Variants in HMGCLL1 observed in about 807,000 individuals in gnomAD.
HMGCLL1 encodes 3-hydroxy-3-methylglutaryl-CoA lyase like 1, also known as 3-hydroxymethyl-3-methylglutaryl-CoA lyase, cytoplasmic.
Under a neutral mutation model 39.1 loss-of-function variants are expected in HMGCLL1, and 36 were observed. That is an observed-to-expected ratio of 0.92 (90% CI 0.71 to 1.22). The LOEUF (loss-of-function observed/expected upper bound fraction) is 1.22, where lower values mean the gene tolerates loss of function less well. Ranked by LOEUF, HMGCLL1 falls within the 50% of genes most tolerant of loss-of-function variation. HMGCLL1 has a pLI of 0.00. For synonymous variants in HMGCLL1, 149 were observed against 144.0 expected (o/e 1.03, Z -0.25); for missense variants, 451 against 416.5 (o/e 1.08, Z -0.72).
chr6:55,556,919 AAGTC>A (rs1281829512), intron 1 of HMGCLL1, among the ~76,000 whole-genome samples: 3 of 152,204 alleles, frequency 2.0e-5, no homozygotes, highest in Non-Finnish European at 4.4e-5. Flanking sequence ...AATGCATAGA[AAGTC>A]AGAATACTTA....
At chr6:55,564,889 T>C (rs920971147) in intron 1 of HMGCLL1, among the ~76,000 whole-genome samples, 1 of 151,590 alleles carries the variant, frequency 6.6e-6, no homozygotes, top group Non-Finnish European at 1.5e-5. Flanking sequence ...CTGAATAACA[T>C]GTCTCTGAGA....
At chr6:55,450,759 A>G (rs1163865021) in intron 7 of HMGCLL1, among the ~76,000 whole-genome samples, 1 of 152,188 alleles carries the variant, frequency 6.6e-6, no homozygotes. Flanking sequence ...AAAATTAACA[A>G]AGAAAAAATC....
intron 3 of HMGCLL1, among the ~76,000 whole-genome samples, chr6:55,522,879 G>A (rs1267729549): frequency 6.6e-6 from 1 of 151,980 alleles, no homozygotes; most frequent in Admixed American, 6.6e-5. Flanking sequence ...GTGTGATGGG[G>A]TGGAAATATT....
At chr6:55,542,838 A>G (rs12198763) in intron 1 of HMGCLL1, among the ~76,000 whole-genome samples, 51,374 of 136,156 alleles carry the variant, frequency 0.38, 11,062 homozygotes, top group East Asian at 0.52. Flanking sequence ...ATATATATGT[A>G]TTATATATAA....
chr6:55,619,071 T>C, the HMGCLL1 span, among the ~76,000 whole-genome samples: 2,137 of 151,958 alleles, frequency 0.014, 51 homozygotes, highest in African/African-American at 0.049. Context: ...ATGGTAGAAA[T>C]TGTCAGCAGG....
intron 1 of HMGCLL1, among the ~76,000 whole-genome samples, chr6:55,549,607 A>G (rs915719830): frequency 1.3e-5 from 2 of 151,888 alleles, no homozygotes; most frequent in African/African-American, 4.9e-5. Flanking sequence ...AAATGCATAA[A>G]TTGTCAGAGT....
intron 7 of HMGCLL1, among the ~76,000 whole-genome samples, chr6:55,444,694 G>T (rs1266570245): frequency 2.0e-5 from 3 of 151,902 alleles, no homozygotes; most frequent in Non-Finnish European, 2.9e-5. Flanking sequence ...GTTTTCCAAT[G>T]CCTCCACAAT....
the HMGCLL1 span, among the ~76,000 whole-genome samples, chr6:55,593,427 A>AT: frequency 6.6e-6 from 1 of 152,078 alleles, no homozygotes; most frequent in African/African-American, 2.4e-5. Context: ...AATTAAATTT[A>AT]TTTTTCTACC....
chr6:55,571,100 T>C (rs1393249834), intron 1 of HMGCLL1, among the ~76,000 whole-genome samples: 1 of 152,232 alleles, frequency 6.6e-6, no homozygotes, highest in Non-Finnish European at 1.5e-5. Flanking sequence ...GGAGCTACAA[T>C]TCAAGTGAGA....
intron 3 of HMGCLL1, among the ~76,000 whole-genome samples, chr6:55,535,036 C>T (rs2127451527): frequency 6.6e-6 from 1 of 152,298 alleles, no homozygotes; most frequent in East Asian, 1.9e-4. Context: ...TCTCAATTTT[C>T]TTGAAGAGCT....
chr6:55,652,091 T>C, the HMGCLL1 span, among the ~76,000 whole-genome samples: 1 of 152,072 alleles, frequency 6.6e-6, no homozygotes, highest in Admixed American at 6.6e-5. Context: ...TTAGTCCTTT[T>C]CTATGTGCAG....
intron 7 of HMGCLL1, among the ~76,000 whole-genome samples, chr6:55,468,233 G>A (rs1156739702): frequency 6.6e-6 from 1 of 151,946 alleles, no homozygotes; most frequent in African/African-American, 2.4e-5. Context: ...ATAAATTTAG[G>A]TTTAATGCTT....
the HMGCLL1 span, among the ~76,000 whole-genome samples, chr6:55,624,204 G>A: frequency 6.6e-6 from 1 of 152,114 alleles, no homozygotes; most frequent in African/African-American, 2.4e-5. Context: ...TCCAGGAGTG[G>A]TGATTCCCAC....
intron 3 of HMGCLL1, among the ~76,000 whole-genome samples, chr6:55,518,497 TG>T (rs1373038406): frequency 6.6e-6 from 1 of 152,142 alleles, no homozygotes; most frequent in Non-Finnish European, 1.5e-5. Flanking sequence ...TCCTTGAAGC[TG>T]GGTAGACTGT....
At chr6:55,574,062 A>C (rs1771646644) in intron 1 of HMGCLL1, among the ~76,000 whole-genome samples, 1 of 152,092 alleles carries the variant, frequency 6.6e-6, no homozygotes, top group South Asian at 2.1e-4. Flanking sequence ...AATTTTTTAG[A>C]TAAAACTTAT....
At chr6:55,649,493 C>T in the HMGCLL1 span, among the ~76,000 whole-genome samples, 1 of 150,700 alleles carries the variant, frequency 6.6e-6, no homozygotes, top group African/African-American at 2.4e-5. Context: ...TTTCTTGCTG[C>T]TGTTAGGATC....
chr6:55,528,045 A>G (rs560756651), intron 3 of HMGCLL1, among the ~76,000 whole-genome samples: 1 of 152,152 alleles, frequency 6.6e-6, no homozygotes, highest in African/African-American at 2.4e-5. Context: ...TCACTAATAT[A>G]GATTGCTAAA....
chr6:55,626,349 G>A, the HMGCLL1 span, among the ~76,000 whole-genome samples: 1 of 152,024 alleles, frequency 6.6e-6, no homozygotes, highest in Non-Finnish European at 1.5e-5. Flanking sequence ...TCACTTTATG[G>A]CTAAAGTGCA....
chr6:55,568,273 G>A (rs1403388909), intron 1 of HMGCLL1, among the ~76,000 whole-genome samples: 1 of 152,170 alleles, frequency 6.6e-6, no homozygotes, highest in African/African-American at 2.4e-5. Flanking sequence ...GTCCAAAAGG[G>A]AAGATGGCAA....
Sources: allele counts gnomAD v4.1 joint callset (sites outside exome capture counted in the v4.1 genomes callset), GRCh38; gene constraint gnomAD v4.1.1; transcripts MANE v1.5; gene names NCBI Gene and HGNC (gene_info 2026-07-23, HGNC 2026-07-21).